The following ANKRD6 variants were observed in gnomAD, a reference collection of about 807,000 sequenced individuals.
ANKRD6 encodes the protein ankyrin repeat domain-containing protein 6.
In ANKRD6, 56 loss-of-function variants were observed where a neutral mutation model predicts 82.3. The ratio of observed to expected loss-of-function variants is 0.68; its 90% CI spans 0.55 to 0.85. ANKRD6 has a LOEUF of 0.85. ANKRD6 is among the 40% of genes least tolerant of loss of function. The probability of loss-of-function intolerance (pLI) is 0.00; values close to 1 mark genes in which losing one functional copy is unlikely to be tolerated. For synonymous variants in ANKRD6, 347 were observed against 352.1 expected, an observed-to-expected ratio of 0.99 and a Z score of 0.16; for missense variants, 852 against 907.6, an observed-to-expected ratio of 0.94 and a Z score of 0.79.
At chr6:89,442,006 T>C (rs1191086688) in intron 1 of ANKRD6, among the ~76,000 whole-genome samples, 1 of 151,924 alleles carries the variant, frequency 6.6e-6, no homozygotes, top group Non-Finnish European at 1.5e-5. Flanking sequence ...TTTTTATTTT[T>C]TTATTTTTTT....
intron 1 of ANKRD6, among the ~76,000 whole-genome samples, chr6:89,502,891 G>C (rs1469066911): frequency 6.6e-6 from 1 of 152,080 alleles, no homozygotes; most frequent in African/African-American, 2.4e-5. Flanking sequence ...GTGGAGGTGG[G>C]GGTTGGCTGG....
chr6:89,583,558 A>G lies in ANKRD6; in HGVS notation c.121-12358A>G, dbSNP rs189886279. Among the ~76,000 whole-genome samples the G allele has an allele frequency of 3.3e-5, 5 of 152,284 alleles. No homozygotes were observed. In the East Asian group the frequency reaches 9.6e-4, roughly 29 times the overall value. On this transcript the variant is annotated intron_variant, in intron 2 of 15. Transcript: ENST00000339746. ...GGAGGAAAAAGAGGCAGCCCCTCAG[A>G]TTGAGTGGGATAATGGAAGAATTGG...
chr6:89,594,857 C>T (rs1213037991), intron 2 of ANKRD6, among the ~76,000 whole-genome samples: 1 of 152,062 alleles, frequency 6.6e-6, no homozygotes, highest in Non-Finnish European at 1.5e-5. Flanking sequence ...ATCCTCACAC[C>T]TTAGCCTCCT....
chr6:89,629,097 GT>G lies in ANKRD6; in HGVS notation c.1486-4del, dbSNP rs200010448. ...TTCTATGTACTTATTTGTGGGGTTTGTTTTTTTTTTTAAGATATCCTTGGTG... is the reference window on the plus strand; with the variant it reads ...TTCTATGTACTTATTTGTGGGGTTTGTTTTTTTTTTAAGATATCCTTGGTG... On this transcript the variant is annotated splice_polypyrimidine_tract_variant and intron_variant, in intron 14 of 15. Coordinates refer to ENST00000339746, the MANE Select transcript of ANKRD6 (RefSeq NM_001242809.2). 1.3e-3 allele frequency: 1,758 copies of G among 1,321,542 alleles called. 1 individual carries two copies. Among genetic ancestry groups the G allele is most frequent in the Admixed American group, 3.0e-3 (147 of 49,608 alleles). The allele number at this position is 1,321,542 out of a possible 1,614,324, so 81.9% of individuals were successfully genotyped here. A position where few individuals can be genotyped will look rare whatever the true frequency, so the allele number is the denominator to read the frequency against.
chr6:89,455,808 G>A (rs1351231428), intron 1 of ANKRD6, among the ~76,000 whole-genome samples: 1 of 152,088 alleles, frequency 6.6e-6, no homozygotes, highest in African/African-American at 2.4e-5. Context: ...TGTACAGCCT[G>A]CAGAACCGTG....
At chr6:89,601,393 A>G (rs911096897) in intron 3 of ANKRD6, among the ~76,000 whole-genome samples, 1 of 152,152 alleles carries the variant, frequency 6.6e-6, no homozygotes, top group African/African-American at 2.4e-5. Context: ...ACAAATGAAC[A>G]GTGGGAAGAG....
At chr6:89,486,084 G>A (rs1777334764) in intron 1 of ANKRD6, among the ~76,000 whole-genome samples, 1 of 152,156 alleles carries the variant, frequency 6.6e-6, no homozygotes, top group Admixed American at 6.5e-5. Flanking sequence ...GGGTCATAAT[G>A]TATGATGTTT....
At chr6:89,580,704 C>T (rs1484615524) in intron 2 of ANKRD6, among the ~76,000 whole-genome samples, 3 of 152,182 alleles carry the variant, frequency 2.0e-5, no homozygotes, top group South Asian at 2.1e-4. Context: ...GCAGTGGAAA[C>T]GAAGGATCTT....
intron 1 of ANKRD6, among the ~76,000 whole-genome samples, chr6:89,523,825 G>T (rs989689637): frequency 6.6e-6 from 1 of 152,012 alleles, no homozygotes; most frequent in African/African-American, 2.4e-5. Flanking sequence ...CTACCCTCAA[G>T]GAGTTTATAG....
intron 10 of ANKRD6, 30 bp downstream of exon 10, chr6:89,622,056 A>C: frequency 6.3e-7 from 1 of 1,598,810 alleles, no homozygotes; most frequent in East Asian, 2.2e-5. Flanking sequence ...CCGTCCCCAC[A>C]TCCACCCATG....
At chr6:89,474,638 C>T (rs1453838194) in intron 1 of ANKRD6, among the ~76,000 whole-genome samples, 2 of 152,138 alleles carry the variant, frequency 1.3e-5, no homozygotes, top group African/African-American at 2.4e-5. Flanking sequence ...AGGATGGTTT[C>T]GATCTCCTGA....
intron 2 of ANKRD6, among the ~76,000 whole-genome samples, chr6:89,570,045 G>GTGTA (rs1481535972): frequency 1.5e-4 from 17 of 113,826 alleles, no homozygotes; most frequent in Admixed American, 1.3e-3. Flanking sequence ...TTATACTCGT[G>GTGTA]TGTGTGTATG....
At chr6:89,506,419 ATTC>A (rs1422107267) in intron 1 of ANKRD6, among the ~76,000 whole-genome samples, 2 of 152,092 alleles carry the variant, frequency 1.3e-5, no homozygotes, top group African/African-American at 2.4e-5. Context: ...GGTTCAAGCT[ATTC>A]TTCTGCTTCA....
intron 2 of ANKRD6, among the ~76,000 whole-genome samples, chr6:89,595,189 C>T (rs1329323832): frequency 6.6e-6 from 1 of 152,140 alleles, no homozygotes; most frequent in Non-Finnish European, 1.5e-5. Context: ...CATGGTGAAA[C>T]CCTGTCTACT....
At chr6:89,576,698 C>G (rs1313272944) in intron 2 of ANKRD6, among the ~76,000 whole-genome samples, 4 of 152,136 alleles carry the variant, frequency 2.6e-5, no homozygotes, top group African/African-American at 9.7e-5. Context: ...CCCTGAAGCT[C>G]CCGTTGGGTC....
chr6:89,464,317 A>G (rs1280728859), intron 1 of ANKRD6, among the ~76,000 whole-genome samples: 1 of 152,224 alleles, frequency 6.6e-6, no homozygotes. Flanking sequence ...GGAAAAAAAA[A>G]GAATTAACAG....
At chr6:89,604,145 G>T (rs1013001385) in intron 4 of ANKRD6, among the ~76,000 whole-genome samples, 2 of 152,180 alleles carry the variant, frequency 1.3e-5, no homozygotes, top group East Asian at 3.8e-4. Flanking sequence ...TGGCTAACAT[G>T]GTGAAACCCC....
At chr6:89,439,931 A>C (rs1771154508) in intron 1 of ANKRD6, among the ~76,000 whole-genome samples, 1 of 152,154 alleles carries the variant, frequency 6.6e-6, no homozygotes, top group African/African-American at 2.4e-5. Context: ...TCCTGACCTC[A>C]AGTGATCTGC....
At chr6:89,580,492 C>T (rs181098803) in intron 2 of ANKRD6, among the ~76,000 whole-genome samples, 84 of 152,080 alleles carry the variant, frequency 5.5e-4, no homozygotes, top group African/African-American at 1.7e-3. Context: ...AAATATTTTC[C>T]GGCAGCCACT....
Sources: gnomAD v4.1 joint callset for allele counts (sites outside exome capture counted in the v4.1 genomes callset) on GRCh38, gnomAD v4.1.1 for gene constraint, MANE v1.5 for transcripts, NCBI Gene and HGNC (gene_info 2026-07-23, HGNC 2026-07-21) for gene names.